FAM135A: variants seen among roughly 807,000 people sequenced by gnomAD.
FAM135A encodes family with sequence similarity 135 member A, also known as protein FAM135A.
FAM135A carries 79 observed loss-of-function variants against 146.8 expected under a neutral mutation model. The observed-to-expected ratio is 0.54, with a 90% CI of 0.45 to 0.65. The LOEUF (loss-of-function observed/expected upper bound fraction) is 0.65, where lower values mean the gene tolerates loss of function less well. FAM135A is among the 30% of genes least tolerant of loss of function. FAM135A has a pLI of 0.00. For missense variants in FAM135A, 1,623 were observed against 1,758.2 expected (o/e 0.92, Z 1.38); for synonymous variants, 562 against 603.6 (o/e 0.93, Z 1.01).
Position 70,524,676 on chromosome 6 carries a change from C to A in FAM135A, c.1592C>A (p.Ser531Ter). ...VGYKCLKSTASNDLIKCFEGN... is the reference protein window; with the variant it reads ...VGYKCLKSTA ...TACAAATGTTTGAAAAGTACAGCAT[C>A]AAATGATCTCATTAAATGCTTTGAA... is the stretch of plus-strand genomic sequence containing the variant. Residue 531 changes from serine to a stop codon, truncating the protein, a stop_gained, in exon 15 of 22, where the codon TCA (serine) becomes TAA (stop). Transcript: ENST00000418814. LOFTEE classifies it high-confidence loss of function. The A allele has an allele frequency of 6.4e-7, 1 of 1,550,902 alleles. No individual in the cohort carries two copies. Among genetic ancestry groups the A allele is most frequent in the Non-Finnish European group, 8.7e-7 (1 of 1,146,658 alleles).
At chr6:70,438,566 T>C (rs1392923723) in intron 4 of FAM135A, among the ~76,000 whole-genome samples, 4 of 152,324 alleles carry the variant, frequency 2.6e-5, no homozygotes, top group East Asian at 1.9e-4. Flanking sequence ...TCAACTGTCA[T>C]AGTATCACAG....
intron 12 of FAM135A, among the ~76,000 whole-genome samples, chr6:70,517,564 G>T (rs576255299): frequency 1.1e-4 from 16 of 151,958 alleles, no homozygotes; most frequent in African/African-American, 3.4e-4. Context: ...GATTACAGGT[G>T]CCTGCCACCA....
At chr6:70,526,730 T>G (rs769557062) in intron 15 of FAM135A, 32 bp downstream of exon 15, 2 of 1,467,912 alleles carry the variant, frequency 1.4e-6, no homozygotes, top group African/African-American at 2.9e-5. Flanking sequence ...TACCTGCTGC[T>G]AAATATATAC....
intron 8 of FAM135A, among the ~76,000 whole-genome samples, chr6:70,478,687 CAT>C (rs1345533881): frequency 6.6e-6 from 1 of 152,126 alleles, no homozygotes; most frequent in Non-Finnish European, 1.5e-5. Context: ...GCCAGGAAGA[CAT>C]ATATTTCTCC....
intron 4 of FAM135A, among the ~76,000 whole-genome samples, chr6:70,442,411 T>C (rs1367198411): frequency 1.3e-5 from 2 of 152,254 alleles, no homozygotes; most frequent in East Asian, 3.9e-4. Context: ...TGTTTTGTAA[T>C]TATATAAAAA....
At chr6:70,489,894 A>G (rs968925462) in intron 10 of FAM135A, among the ~76,000 whole-genome samples, 6 of 152,120 alleles carry the variant, frequency 3.9e-5, no homozygotes, top group African/African-American at 1.4e-4. Context: ...CAGGAGCCCA[A>G]CCACAAGGCC....
At position 70,536,934 on chromosome 6, in the gene FAM135A, A is replaced by ATT. The variant is rs780326510; in HGVS notation, c.4117+542_4117+543dup. ...TCATCAACAAATATTTGGTACTTTG[A>ATT]TTTTTTTTTTTTTTTTTTTTAGGAC... On this transcript the variant is annotated intron_variant, in intron 19 of 21. Coordinates refer to ENST00000418814, the MANE Select transcript of FAM135A (RefSeq NM_001162529.3). Among the ~76,000 whole-genome samples, 575 of 128,924 alleles carry ATT rather than the reference A, an allele frequency of 4.5e-3. 4 individuals are homozygous for ATT. The highest frequency in any genetic ancestry group is 0.015 in the African/African-American group (542 of 35,314). 84.6% of individuals were successfully genotyped at this position (128,924 alleles called of 152,430 possible). A position where few individuals can be genotyped will look rare whatever the true frequency, so the allele number is the denominator to read the frequency against.
At chr6:70,547,588 C>G (rs1020812336) in intron 20 of FAM135A, among the ~76,000 whole-genome samples, 1 of 152,032 alleles carries the variant, frequency 6.6e-6, no homozygotes, top group African/African-American at 2.4e-5. Flanking sequence ...GCAGAATATT[C>G]CTTGGAGCAG....
chr6:70,455,728 T>C (rs892922780), intron 5 of FAM135A, among the ~76,000 whole-genome samples: 2 of 152,222 alleles, frequency 1.3e-5, no homozygotes, highest in Non-Finnish European at 2.9e-5. Context: ...TCTTTCAAGA[T>C]GGCAAGATAC....
Position 70,533,432 on chromosome 6 carries a change from C to A in FAM135A, c.3867+181C>A, listed in dbSNP as rs185850301. Among the ~76,000 whole-genome samples, 858 of 152,236 alleles carry A rather than the reference C, an allele frequency of 5.6e-3. 3 individuals carry two copies. Among genetic ancestry groups the A allele is most frequent in the Non-Finnish European group, 8.2e-3 (558 of 67,994 alleles). On this transcript the variant is annotated intron_variant, in intron 17 of 21. Coordinates refer to ENST00000418814, the MANE Select transcript of FAM135A (RefSeq NM_001162529.3). The stretch of plus-strand genomic sequence containing the variant: ...TTTACATTTTGACTTATGATCTCTT[C>A]ACATATGAAATATTTCTAGAATTTC...
intron 18 of FAM135A, among the ~76,000 whole-genome samples, chr6:70,534,600 C>T (rs1796473946): frequency 6.6e-6 from 1 of 152,066 alleles, no homozygotes; most frequent in South Asian, 2.1e-4. Context: ...ATGTGTGCCA[C>T]CTTGCCCAGC....
intron 4 of FAM135A, among the ~76,000 whole-genome samples, chr6:70,433,290 G>A (rs557163414): frequency 6.6e-6 from 1 of 152,052 alleles, no homozygotes; most frequent in African/African-American, 2.4e-5. Flanking sequence ...TAGCTAGTAT[G>A]GTCTTGATCT....
At chr6:70,465,032 A>C (rs1780185014) in intron 5 of FAM135A, among the ~76,000 whole-genome samples, 1 of 151,260 alleles carries the variant, frequency 6.6e-6, no homozygotes, top group Non-Finnish European at 1.5e-5. Context: ...ATTGAACAGC[A>C]ACTCCCCATT....
intron 5 of FAM135A, among the ~76,000 whole-genome samples, chr6:70,469,082 G>A (rs35516318): frequency 0.43 from 64,918 of 151,920 alleles, 15,075 homozygotes; most frequent in African/African-American, 0.6. Flanking sequence ...CTTAATGCTT[G>A]TAACTTTCAA....
chr6:70,525,395 G>A lies in FAM135A; in HGVS notation c.2311G>A (p.Gly771Ser), dbSNP rs755924383. The A allele has an allele frequency of 1.2e-6, 2 of 1,613,664 alleles. No individual in the cohort carries two copies. Among genetic ancestry groups the A allele is most frequent in the East Asian group, 2.2e-5 (1 of 44,856 alleles). ...TGCCTCATCTAGATTTTCAGATTCA[G>A]GTGTTGAAAGTGAACCGAGTTCTTT... ...TYASSRFSDS[G>S]VESEPSSFAT... is the part of the protein sequence containing the mutation. The change falls in exon 15 of 22, where the codon GGT becomes AGT. Residue 771 changes from glycine (G) to serine (S), a missense_variant. Gly to Ser is a moderately conservative substitution (Grantham distance 56, BLOSUM62 0). This residue lies in a region of FAM135A where 1,061 missense variants were observed against 1,113.8 expected (regional missense o/e 0.95). Coordinates refer to ENST00000418814, the MANE Select transcript of FAM135A (RefSeq NM_001162529.3).
intron 8 of FAM135A, 139 bp downstream of exon 8, chr6:70,477,471 T>C (rs1782848402): frequency 1.1e-6 from 1 of 897,684 alleles, no homozygotes; most frequent in Non-Finnish European, 1.6e-6. Flanking sequence ...GATGCTGGCA[T>C]CTGCTTAACT....
chr6:70,454,627 G>A (rs1582232663), intron 5 of FAM135A, among the ~76,000 whole-genome samples: 1 of 152,010 alleles, frequency 6.6e-6, no homozygotes, highest in Non-Finnish European at 1.5e-5. Flanking sequence ...TCTACATATG[G>A]CTAGCCAGTT....
At chr6:70,482,781 T>C (rs1164715041) in intron 10 of FAM135A, among the ~76,000 whole-genome samples, 2 of 152,130 alleles carry the variant, frequency 1.3e-5, no homozygotes, top group Non-Finnish European at 2.9e-5. Context: ...TGCTTTTACA[T>C]ACATTATTTC....
chr6:70,542,278 C>CACACACACACACACACA (rs1424633787), intron 20 of FAM135A, among the ~76,000 whole-genome samples: 1,333 of 106,806 alleles, frequency 0.012, 19 homozygotes, highest in African/African-American at 0.046. Flanking sequence ...ACACACACAC[C>CACACACACACACACACA]CTTTGCTGTG....
Sources: gnomAD v4.1 joint callset for allele counts (sites outside exome capture counted in the v4.1 genomes callset) on GRCh38, gnomAD v4.1.1 for gene constraint, gnomAD v4.1.1 regional missense constraint, MANE v1.5 for transcripts, NCBI Gene and HGNC (gene_info 2026-07-23, HGNC 2026-07-21) for gene names.